Variants in PCDHGB5 observed in about 807,000 individuals in gnomAD.
The protein encoded by PCDHGB5 is protocadherin gamma subfamily B, 5, also known as protocadherin gamma-B5.
Under a neutral mutation model 62.9 loss-of-function variants are expected in PCDHGB5, and 48 were observed. That is an observed-to-expected ratio of 0.76 (90% CI 0.61 to 0.97). The LOEUF (loss-of-function observed/expected upper bound fraction) is 0.97. Among genes scored for constraint, PCDHGB5 ranks in the 50% least tolerant of loss-of-function variants. The pLI is 0.00. For synonymous variants in PCDHGB5, 474 were observed against 511.2 expected, an observed-to-expected ratio of 0.93 and a Z score of 0.98; for missense variants, 1,118 against 1,198.6, an observed-to-expected ratio of 0.93 and a Z score of 0.99.
chr5:141,505,628 A>C, intron 3 of PCDHGB5, 147 bp downstream of exon 3: 1 of 1,481,752 alleles, frequency 6.7e-7, no homozygotes, highest in Non-Finnish European at 9.0e-7. Flanking sequence ...ACAATTCCAA[A>C]CATAAAGCCT....
intron 1 of PCDHGB5, among the ~76,000 whole-genome samples, chr5:141,439,270 A>G (rs1381185021): frequency 6.6e-6 from 1 of 152,140 alleles, no homozygotes; most frequent in African/African-American, 2.4e-5. Flanking sequence ...CCAACAGTTC[A>G]TTCTGAGACT....
At position 141,413,783 on chromosome 5, in the gene PCDHGB5, C is replaced by T. The variant is rs1418394305; in HGVS notation, c.2397+13259C>T. 3.7e-6 allele frequency: 6 copies of T among 1,613,096 alleles called. No individual in the cohort carries two copies. Among genetic ancestry groups the T allele is most frequent in the Non-Finnish European group, 4.2e-6 (5 of 1,179,878 alleles). On this transcript the variant is annotated intron_variant, in intron 1 of 3. Coordinates refer to ENST00000617380, the MANE Select transcript of PCDHGB5 (RefSeq NM_018925.3). ...TACCCGGAGCTGGTACTGGAGCACT[C>T]CCTAGATCGCGAGGAAGAGGCCATT...
At chr5:141,419,298 A>G in intron 1 of PCDHGB5, 1 of 1,613,988 alleles carries the variant, frequency 6.2e-7, no homozygotes, top group Non-Finnish European at 8.5e-7. Context: ...TCTGACCCAG[A>G]CTTCGGGCTC....
In PCDHGB5 at chr5:141,432,002, G is replaced by T; in HGVS notation, c.2397+31478G>T. The T allele has an allele frequency of 6.2e-7, 1 of 1,614,186 alleles. No homozygotes were observed. The highest frequency in any genetic ancestry group is 1.1e-5 in the South Asian group (1 of 91,090). ...AGACATAGTCTTGGATAGGGAACAGGTTCCTAGCTACAACATCACAGTGAC... is the reference window on the plus strand; with the variant it reads ...AGACATAGTCTTGGATAGGGAACAGTTTCCTAGCTACAACATCACAGTGAC... On this transcript the variant is annotated intron_variant, in intron 1 of 3. Coordinates refer to ENST00000617380, the MANE Select transcript of PCDHGB5 (RefSeq NM_018925.3). The surrounding 1 kb of genome is among the most constrained non-coding windows in gnomAD (Gnocchi z 6.0).
intron 1 of PCDHGB5, among the ~76,000 whole-genome samples, chr5:141,479,962 A>G: frequency 6.6e-6 from 1 of 152,226 alleles, no homozygotes; most frequent in Non-Finnish European, 1.5e-5. Context: ...GCAGTTAGTC[A>G]AATGAGGTTC....
chr5:141,408,904 T>C (rs779095615), intron 1 of PCDHGB5: 14 of 1,613,246 alleles, frequency 8.7e-6, no homozygotes, highest in Admixed American at 3.3e-5. Flanking sequence ...CTGTCAAGGA[T>C]ACCAATGATA....
intron 1 of PCDHGB5, chr5:141,492,006 G>T (rs2099736069): frequency 7.8e-6 from 5 of 643,420 alleles, no homozygotes; most frequent in Non-Finnish European, 1.3e-5. Context: ...GGCGATTTCC[G>T]CGGGTGTCGG....
rs747179611 is a variant in PCDHGB5 at position 141,476,473 on chromosome 5, C to T, written c.2398-18334C>T. ...TAGTGGAGAACCCGCTGGAGCTGTT[C>T]AGCGTGGAAGTGGTGATCCAGGACA... On this transcript the variant is annotated intron_variant, in intron 1 of 3. Coordinates refer to ENST00000617380, the MANE Select transcript of PCDHGB5 (RefSeq NM_018925.3). The surrounding 1 kb of genome is among the most constrained non-coding windows in gnomAD (Gnocchi z 7.6). 3.1e-6 allele frequency: 5 copies of T among 1,613,888 alleles called. No homozygotes were observed. The highest frequency in any genetic ancestry group is 3.3e-5 in the Admixed American group (2 of 59,984).
At chr5:141,499,061 G>A (rs1300036203) in intron 2 of PCDHGB5, among the ~76,000 whole-genome samples, 1 of 151,914 alleles carries the variant, frequency 6.6e-6, no homozygotes, top group African/African-American at 2.4e-5. Flanking sequence ...AAATGAAGAA[G>A]ACTTACATTC....
chr5:141,413,036 T>TGGGCTGCA, intron 1 of PCDHGB5: 1 of 805,900 alleles, frequency 1.2e-6, no homozygotes, highest in Non-Finnish European at 1.9e-6. Flanking sequence ...AACCGGCTGC[T>TGGGCTGCA]GGGCTGCAGG....
At position 141,491,489 on chromosome 5, in the gene PCDHGB5, A is replaced by T; in HGVS notation, c.2398-3318A>T. 1.2e-6 allele frequency: 2 copies of T among 1,614,130 alleles called. No individual in the cohort carries two copies. Among genetic ancestry groups the T allele is most frequent in the Non-Finnish European group, 1.7e-6 (2 of 1,180,018 alleles). On this transcript the variant is annotated intron_variant, in intron 1 of 3. Coordinates refer to ENST00000617380, the MANE Select transcript of PCDHGB5 (RefSeq NM_018925.3). This position sits in a 1 kb window ranked among gnomAD's most constrained non-coding sequence, Gnocchi z 6.9. ...TATAAGCAGTCCAGCCCCAACCTGC[A>T]GGTGAGCTCGGACGGCACGCTCAAG... is the stretch of plus-strand genomic sequence containing the variant.
intron 1 of PCDHGB5, chr5:141,417,508 TATTTTGGCTGTCAACTCGTAG>T: frequency 4.2e-6 from 1 of 237,898 alleles, no homozygotes; most frequent in East Asian, 9.1e-5. Flanking sequence ...AAGATTAAAA[TATTTTGGCTGTCAACTCGTAG>T]TTTAAAAAAA....
chr5:141,415,529 G>C, intron 1 of PCDHGB5: 1 of 1,614,184 alleles, frequency 6.2e-7, no homozygotes, highest in South Asian at 1.1e-5. Context: ...ACGCTCATCA[G>C]CCAGGAGAGC....
At chr5:141,419,694 G>A in intron 1 of PCDHGB5, 1 of 1,612,974 alleles carries the variant, frequency 6.2e-7, no homozygotes, top group Non-Finnish European at 8.5e-7. Context: ...GTGCAGGCCA[G>A]TGAGCCCGGG....
intron 1 of PCDHGB5, among the ~76,000 whole-genome samples, chr5:141,407,232 A>G (rs2094902362): frequency 6.6e-6 from 1 of 152,242 alleles, no homozygotes; most frequent in African/African-American, 2.4e-5. Flanking sequence ...CAAAAAAAAT[A>G]AAGCATACTT....
intron 1 of PCDHGB5, chr5:141,422,082 G>A (rs2096622921): frequency 6.2e-7 from 1 of 1,612,284 alleles, no homozygotes; most frequent in East Asian, 2.2e-5. Context: ...TTCGGAACAT[G>A]GAAAGCAAGG....
Position 141,493,685 on chromosome 5 carries a change from G to A in PCDHGB5, c.2398-1122G>A, listed in dbSNP as rs139973755. ...CCATGGCAGCCCCAGAATGGTGCTG[G>A]TGACTCCCGATACACCTGGAATGCT... On this transcript the variant is annotated intron_variant, in intron 1 of 3. Transcript: ENST00000617380. The surrounding 1 kb of genome is among the most constrained non-coding windows in gnomAD (Gnocchi z 4.3). 1.1e-3 allele frequency among the ~76,000 whole-genome samples: 165 copies of A among 152,282 alleles called. 3 individuals carry two copies. The highest frequency in any genetic ancestry group is 8.2e-3 in the Admixed American group (125 of 15,298).
chr5:141,413,711 A>G (rs752076648), intron 1 of PCDHGB5: 199 of 1,613,564 alleles, frequency 1.2e-4, no homozygotes, highest in Non-Finnish European at 1.4e-4. Context: ...CTCAGCCCCA[A>G]TAAGCACTTC....
chr5:141,432,050 C>T lies in PCDHGB5; in HGVS notation c.2397+31526C>T. The stretch of plus-strand genomic sequence containing the variant: ...GACCGCCACTGACCGGGGAACCCCG[C>T]CCCTATCCACGGAAACTCATATCTC... On this transcript the variant is annotated intron_variant, in intron 1 of 3. Transcript: ENST00000617380. The surrounding 1 kb of genome is among the most constrained non-coding windows in gnomAD (Gnocchi z 6.0). The T allele has an allele frequency of 6.2e-7, 1 of 1,614,218 alleles. No individual in the cohort carries two copies. The highest frequency in any genetic ancestry group is 8.5e-7 in the Non-Finnish European group (1 of 1,180,044).
Sources: allele counts gnomAD v4.1 joint callset (sites outside exome capture counted in the v4.1 genomes callset), GRCh38; gene constraint gnomAD v4.1.1; non-coding constraint Gnocchi (gnomAD v3.1); transcripts MANE v1.5; gene names NCBI Gene and HGNC (gene_info 2026-07-23, HGNC 2026-07-21).